ATP1A4: variants seen among roughly 807,000 people sequenced by gnomAD.
The protein encoded by ATP1A4 is sodium/potassium-transporting ATPase subunit alpha-4.
In ATP1A4, 90 loss-of-function variants were observed where a neutral mutation model predicts 114.3. The observed-to-expected ratio is 0.79, with a 90% CI of 0.66 to 0.94. The LOEUF (loss-of-function observed/expected upper bound fraction) is 0.94, where lower values mean the gene tolerates loss of function less well. Ranked by LOEUF, ATP1A4 falls within the 40% of genes least tolerant of loss-of-function variation. The probability of loss-of-function intolerance (pLI) is 0.00; values close to 1 mark genes in which losing one functional copy is unlikely to be tolerated. For missense variants in ATP1A4, 1,222 were observed against 1,313.6 expected (o/e 0.93, Z 1.08); for synonymous variants, 511 against 494.1 (o/e 1.03, Z -0.45).
At chr1:160,159,949 A>G (rs1456948372) in intron 6 of ATP1A4, among the ~76,000 whole-genome samples, 1 of 152,226 alleles carries the variant, frequency 6.6e-6, no homozygotes, top group Non-Finnish European at 1.5e-5. Context: ...CCTATCCAAG[A>G]GAAGATATTG....
chr1:160,171,832 T>C (rs1653276236), intron 12 of ATP1A4, 75 bp downstream of exon 12: 2 of 1,451,466 alleles, frequency 1.4e-6, no homozygotes, highest in Middle Eastern at 1.8e-4. Context: ...TTGCGCAGAG[T>C]AGATGCTTAA....
Position 160,156,060 on chromosome 1 carries a change from G to A in ATP1A4, c.427G>A (p.Val143Ile), listed in dbSNP as rs773571968. Residue 143 changes from valine (V) to isoleucine (I), a missense_variant, in exon 4 of 22, where the codon GTA (valine) becomes ATA (isoleucine). Coordinates refer to ENST00000368081, the MANE Select transcript of ATP1A4 (RefSeq NM_144699.4). ...CCACCCTCAGCTCTACCTGAGCATC[G>A]TACTGTCCGTCGTGGTCATCGTCAC... is the stretch of plus-strand genomic sequence containing the variant. ...PTKDNLYLSI[V>I]LSVVVIVTGC... The A allele has an allele frequency of 1.9e-5, 30 of 1,612,620 alleles. No homozygotes were observed. The highest frequency in any genetic ancestry group is 4.0e-5 in the African/African-American group (3 of 74,976).
At position 160,152,118 on chromosome 1, in the gene ATP1A4, C is replaced by G. The variant is rs753818842; in HGVS notation, c.78C>G (p.Ile26Met). The G allele has an allele frequency of 2.5e-6, 4 of 1,613,138 alleles. No homozygotes were observed. In the African/African-American group the frequency reaches 5.4e-5, roughly 22 times the overall value. The change falls in exon 1 of 22, where the codon ATC becomes ATG. Residue 26 changes from isoleucine (I) to methionine (M), a missense_variant. Transcript: ENST00000368081. ...GACGAAGACCTAAAAAAGGGCTTATCAAGAAAAAAATGGTGAAGAGGGAAA... is the reference window on the plus strand; with the variant it reads ...GACGAAGACCTAAAAAAGGGCTTATGAAGAAAAAAATGGTGAAGAGGGAAA... ...SPRRRPKKGLIKKKMVKREKQ... is the reference protein window; with the variant it reads ...SPRRRPKKGLMKKKMVKREKQ...
chr1:160,186,542 T>A, intron 21 of ATP1A4, 129 bp from the exon 22 acceptor site: 2 of 1,174,900 alleles, frequency 1.7e-6, no homozygotes, highest in African/African-American at 3.0e-5. Flanking sequence ...CTCTGCTCCA[T>A]CTGACCCTCA....
At chr1:160,153,834 G>T (rs72706633) in intron 2 of ATP1A4, among the ~76,000 whole-genome samples, 17 of 152,234 alleles carry the variant, frequency 1.1e-4, no homozygotes, top group Non-Finnish European at 2.5e-4. Context: ...TTAAGAAAAT[G>T]AGAGTAAAAA....
chr1:160,155,157 G>C lies in ATP1A4; in HGVS notation c.320G>C (p.Gly107Ala). Residue 107 changes from glycine (G) to alanine (A), a missense_variant, in exon 3 of 22, where the codon GGC becomes GCC. Physicochemically the swap from Gly to Ala is moderately conservative, Grantham distance 60. Coordinates refer to ENST00000368081, the MANE Select transcript of ATP1A4 (RefSeq NM_144699.4). ...WVKFCKQLFG[G>A]FSLLLWTGAI... ...AAATTCTGTAAGCAACTGTTCGGAG[G>C]CTTCTCCCTCCTACTATGGACTGGG... The C allele has an allele frequency of 6.2e-7, 1 of 1,613,762 alleles. No individual in the cohort carries two copies. The highest frequency in any genetic ancestry group is 8.5e-7 in the Non-Finnish European group (1 of 1,179,932).
At position 160,180,960 on chromosome 1, in the gene ATP1A4, CACCTCG is replaced by C. The variant is rs1451074157; in HGVS notation, c.2737-723_2737-718del. On this transcript the variant is annotated intron_variant, in intron 18 of 21. Coordinates refer to ENST00000368081, the MANE Select transcript of ATP1A4 (RefSeq NM_144699.4). The stretch of plus-strand genomic sequence containing the variant: ...TGATCTCCTGACCTCGTGATCTGCC[CACCTCG>C]GCCTCCCAAAGTGCTGGGATTACAG... Among the ~76,000 whole-genome samples the C allele has an allele frequency of 1.3e-4, 20 of 151,996 alleles. No homozygotes were observed. The East Asian group carries it at 3.1e-3, about 24-fold the overall frequency.
In ATP1A4 at chr1:160,181,694, A is replaced by G; in HGVS notation, c.2747A>G (p.Gln916Arg). The change falls in exon 19 of 22, where the codon CAA becomes CGA. Residue 916 changes from glutamine (Q) to arginine (R), a missense_variant. Physicochemically the swap from Gln to Arg is conservative, Grantham distance 43. Transcript: ENST00000368081. Reference protein sequence around the residue: ...DSYGQQWTYEQRKVVEFTCQT... With the variant: ...DSYGQQWTYERRKVVEFTCQT... ...CCCTGCTGTCTCTAGACCTATGAGCAACGAAAAGTTGTGGAGTTCACATGC... is the reference window on the plus strand; with the variant it reads ...CCCTGCTGTCTCTAGACCTATGAGCGACGAAAAGTTGTGGAGTTCACATGC... 6.2e-7 allele frequency: 1 copy of G among 1,614,144 alleles called. No homozygotes were observed. The highest frequency in any genetic ancestry group is 8.5e-7 in the Non-Finnish European group (1 of 1,180,032).
In ATP1A4 at chr1:160,167,040, A is replaced by G. The variant is rs1653065821; in HGVS notation, c.1319A>G (p.Asp440Gly). The G allele has an allele frequency of 1.9e-6, 3 of 1,614,126 alleles. No homozygotes were observed. The highest frequency in any genetic ancestry group is 1.3e-5 in the African/African-American group (1 of 75,028). The change falls in exon 9 of 22, where the codon GAC becomes GGC. Residue 440 changes from aspartate (D) to glycine (G), a missense_variant. By Grantham distance (94) the Asp-to-Gly change is moderately conservative. Transcript: ENST00000368081. ...ATCGCTGGCCTCTGCAACCGGGCTG[A>G]CTTTAAGGCTAATCAGGAGATCCTG... ...ARIAGLCNRA[D>G]FKANQEILPI...
At chr1:160,155,540 A>C (rs1375115535) in intron 3 of ATP1A4, among the ~76,000 whole-genome samples, 2 of 152,138 alleles carry the variant, frequency 1.3e-5, no homozygotes, top group Admixed American at 6.5e-5. Context: ...ATGTACATTA[A>C]TGTAATAAAC....
Position 160,167,384 on chromosome 1 carries a change from T to C in ATP1A4, c.1463T>C (p.Ile488Thr), listed in dbSNP as rs774246767. The C allele has an allele frequency of 1.2e-6, 2 of 1,612,406 alleles. No individual in the cohort carries two copies. The highest frequency in any genetic ancestry group is 2.2e-5 in the East Asian group (1 of 44,878). ...GAGAAAAACCCCAAGGTGGCAGAGA[T>C]TCCCTTTAATTCTACCAACAAGTAC... ...MREKNPKVAE[I>T]PFNSTNKYQM... Residue 488 changes from isoleucine (I) to threonine (T), a missense_variant, in exon 10 of 22, where the codon ATT (isoleucine) becomes ACT (threonine). Coordinates refer to ENST00000368081, the MANE Select transcript of ATP1A4 (RefSeq NM_144699.4).
intron 6 of ATP1A4, among the ~76,000 whole-genome samples, chr1:160,160,261 G>A (rs1652822384): frequency 6.6e-6 from 1 of 152,152 alleles, no homozygotes; most frequent in Non-Finnish European, 1.5e-5. Context: ...CTGTTGCTCA[G>A]GCTGGAATGC....
At chr1:160,168,873 C>G (rs1163612683) in intron 10 of ATP1A4, among the ~76,000 whole-genome samples, 1 of 152,212 alleles carries the variant, frequency 6.6e-6, no homozygotes, top group East Asian at 1.9e-4. Flanking sequence ...ACTAGTCTGA[C>G]AGGAATTCTG....
At chr1:160,176,429 T>C (rs775837396) in intron 16 of ATP1A4, 50 bp from the exon 17 acceptor site, 3 of 1,612,244 alleles carry the variant, frequency 1.9e-6, no homozygotes, top group African/African-American at 2.7e-5. Context: ...TACTGCTGGG[T>C]TTCCTTCTGA....
At chr1:160,181,634 T>C in intron 18 of ATP1A4, 50 bp from the exon 19 acceptor site, 1 of 1,605,080 alleles carries the variant, frequency 6.2e-7, no homozygotes, top group East Asian at 2.2e-5. Flanking sequence ...AGCCTTAGGG[T>C]GTACAGAATC....
intron 2 of ATP1A4, among the ~76,000 whole-genome samples, chr1:160,154,655 A>G (rs2102008930): frequency 6.6e-6 from 1 of 152,306 alleles, no homozygotes; most frequent in East Asian, 1.9e-4. Context: ...TATCAACATT[A>G]AGTATTATAT....
At chr1:160,174,890 T>A in intron 15 of ATP1A4, 143 bp downstream of exon 15, 2 of 1,356,976 alleles carry the variant, frequency 1.5e-6, no homozygotes, top group Non-Finnish European at 2.0e-6. Flanking sequence ...AAGACAAAAT[T>A]TTGCAAATTA....
chr1:160,153,923 T>G (rs1652545976), intron 2 of ATP1A4, among the ~76,000 whole-genome samples: 2 of 152,128 alleles, frequency 1.3e-5, no homozygotes, highest in Admixed American at 1.3e-4. Flanking sequence ...CCCTCGGGTG[T>G]TTCAGGCAGA....
At chr1:160,168,896 G>A (rs1426171773) in intron 10 of ATP1A4, among the ~76,000 whole-genome samples, 1 of 152,196 alleles carries the variant, frequency 6.6e-6, no homozygotes, top group Non-Finnish European at 1.5e-5. Context: ...GCTTGGCAGG[G>A]CCTTTGACGG....
Sources: allele counts gnomAD v4.1 joint callset (sites outside exome capture counted in the v4.1 genomes callset), GRCh38; gene constraint gnomAD v4.1.1; transcripts MANE v1.5; gene names NCBI Gene and HGNC (gene_info 2026-07-23, HGNC 2026-07-21).